Variants in LILRB1 observed in about 807,000 individuals in gnomAD.
LILRB1 encodes the protein leukocyte immunoglobulin-like receptor subfamily B member 1.
LILRB1 carries 59 observed loss-of-function variants against 74.6 expected under a neutral mutation model. The observed-to-expected ratio is 0.79, with a 90% CI of 0.64 to 0.98. The LOEUF (loss-of-function observed/expected upper bound fraction) is 0.98, where lower values mean the gene tolerates loss of function less well. LILRB1 is among the 50% of genes least tolerant of loss of function. The pLI is 0.00. For missense variants in LILRB1, 804 were observed against 822.6 expected, an observed-to-expected ratio of 0.98 and a Z score of 0.28; for synonymous variants, 328 against 333.9, an observed-to-expected ratio of 0.98 and a Z score of 0.19.
At position 54,634,735 on chromosome 19, in the gene LILRB1, T is replaced by TCCTC. The variant is rs1568602269; in HGVS notation, c.1459_1460insCTCC (p.Arg487ProfsTer16). 6.2e-7 allele frequency: 1 copy of TCCTC among 1,613,924 alleles called. No individual in the cohort carries two copies. Among genetic ancestry groups the TCCTC allele is most frequent in the African/African-American group, 1.3e-5 (1 of 74,982 alleles). Reference sequence around the variant, plus strand: ...TCCTCCTCTTCCTCATCCTCCGACATCGACGTCAGGGCAAACACTGGACAT... The same window carrying TCCTC: ...TCCTCCTCTTCCTCATCCTCCGACATCCTCCGACGTCAGGGCAAACACTGGACAT... On this transcript the variant is annotated frameshift_variant, in exon 10 of 15. Transcript: ENST00000324602. LOFTEE classifies it high-confidence loss of function.
intron 1 of LILRB1, among the ~76,000 whole-genome samples, chr19:54,621,892 T>C (rs1045103270): frequency 1.3e-5 from 2 of 152,226 alleles, no homozygotes; most frequent in Non-Finnish European, 2.9e-5. Flanking sequence ...TCCAGTTTTA[T>C]TCTTTTGCAT....
intron 1 of LILRB1, among the ~76,000 whole-genome samples, chr19:54,620,467 T>G (rs2063426023): frequency 6.6e-6 from 1 of 152,098 alleles, no homozygotes; most frequent in Non-Finnish European, 1.5e-5. Flanking sequence ...CACGCCCACA[T>G]TCTTAATTTT....
chr19:54,636,476 A>G lies in LILRB1; in HGVS notation c.1654-18A>G. 1 of 1,610,400 alleles carries G rather than the reference A, an allele frequency of 6.2e-7. No individual in the cohort carries two copies. The highest frequency in any genetic ancestry group is 8.5e-7 in the Non-Finnish European group (1 of 1,179,052). Reference sequence around the variant, plus strand: ...TCAGGAGGATTCAAGGACACCCCCCACCACTGTCTCTCTCCAGCAGAGCCC... The same window carrying G: ...TCAGGAGGATTCAAGGACACCCCCCGCCACTGTCTCTCTCCAGCAGAGCCC... On this transcript the variant is annotated intron_variant, in intron 13 of 14. Coordinates refer to ENST00000324602, the MANE Select transcript of LILRB1 (RefSeq NM_001081637.3).
chr19:54,625,241 T>G (rs2063550855), intron 1 of LILRB1, among the ~76,000 whole-genome samples: 2 of 147,680 alleles, frequency 1.4e-5, no homozygotes, highest in Admixed American at 1.4e-4. Flanking sequence ...GCAAGCCCCA[T>G]TAGCAGGAAG....
chr19:54,626,247 C>G (rs1193806730), upstream of LILRB1, among the ~76,000 whole-genome samples: 3 of 152,198 alleles, frequency 2.0e-5, no homozygotes, highest in Non-Finnish European at 4.4e-5. Context: ...GAATAATTTT[C>G]ATTTTCTCCA....
intron 1 of LILRB1, among the ~76,000 whole-genome samples, chr19:54,622,620 C>T (rs2146173751): frequency 6.6e-6 from 1 of 152,314 alleles, no homozygotes; most frequent in South Asian, 2.1e-4. Context: ...TCAGCACACA[C>T]AGATAATTTC....
chr19:54,626,151 C>T (rs1027745715), upstream of LILRB1, among the ~76,000 whole-genome samples: 26 of 152,214 alleles, frequency 1.7e-4, no homozygotes, highest in Non-Finnish European at 2.8e-4. Context: ...TTCCATTCAG[C>T]CAACTTGAAC....
upstream of LILRB1, among the ~76,000 whole-genome samples, chr19:54,627,858 G>A (rs925469865): frequency 3.9e-5 from 6 of 152,120 alleles, no homozygotes; most frequent in African/African-American, 9.7e-5. Flanking sequence ...AGTAGCGGAC[G>A]CCAGCTGAGT....
chr19:54,633,347 G>A, intron 7 of LILRB1, 29 bp downstream of exon 7: 1 of 1,601,172 alleles, frequency 6.2e-7, no homozygotes, highest in Non-Finnish European at 8.5e-7. Flanking sequence ...TCCTCTCTGA[G>A]CTCAAAGTCT....
At chr19:54,618,537 C>T (rs779430962) in intron 1 of LILRB1, among the ~76,000 whole-genome samples, 4 of 152,122 alleles carry the variant, frequency 2.6e-5, no homozygotes, top group South Asian at 2.1e-4. Flanking sequence ...TGGCCGGGCA[C>T]GGTGGCTCAC....
At chr19:54,634,243 G>C in intron 9 of LILRB1, 1 of 1,501,870 alleles carries the variant, frequency 6.7e-7, no homozygotes, top group Non-Finnish European at 8.9e-7. Flanking sequence ...GCCTCCCAGG[G>C]AACCTCCCAG....
Position 54,633,285 on chromosome 19 carries a change from C to T in LILRB1, c.1228C>T (p.His410Tyr), listed in dbSNP as rs753134549. 2 of 1,613,932 alleles carry T rather than the reference C, an allele frequency of 1.2e-6. No individual in the cohort carries two copies. Among genetic ancestry groups the T allele is most frequent in the East Asian group, 2.2e-5 (1 of 44,848 alleles). The change falls in exon 7 of 15, where the codon CAC becomes TAC. Residue 410 changes from histidine (H) to tyrosine (Y), a missense_variant. His to Tyr is a moderately conservative substitution (Grantham distance 83, BLOSUM62 2). Coordinates refer to ENST00000324602, the MANE Select transcript of LILRB1 (RefSeq NM_001081637.3). ...SQSSKPYLLT[H>Y]PSDPLELVVS... ...GAGCTCCAAACCCTACCTGCTGACT[C>T]ACCCCAGTGACCCCCTGGAGCTCGT...
chr19:54,624,690 G>A (rs1018143888), intron 1 of LILRB1, among the ~76,000 whole-genome samples: 4 of 152,170 alleles, frequency 2.6e-5, no homozygotes, highest in Admixed American at 6.5e-5. Context: ...GCTGGACAGC[G>A]TGTGTGAGTC....
chr19:54,629,487 A>G (rs114102984), upstream of LILRB1, among the ~76,000 whole-genome samples: 286 of 152,334 alleles, frequency 1.9e-3, 2 homozygotes, highest in African/African-American at 6.7e-3. Context: ...AGGGTGCCCC[A>G]CTGTGCAGAA....
intron 2 of LILRB1, 74 bp from the exon 3 acceptor site, chr19:54,631,197 C>T (rs369143660): frequency 7.7e-4 from 1,238 of 1,613,870 alleles, no homozygotes; most frequent in Non-Finnish European, 8.9e-4. Flanking sequence ...CCCAGGGGCT[C>T]ACAAAGATCC....
chr19:54,636,958 C>G lies in LILRB1; in HGVS notation c.*80C>G. ...GCCCCCCCAGTGGACACCATTGGAC[C>G]CCACCCAGCCTGGATCTACCCCAGG... is the stretch of plus-strand genomic sequence containing the variant. On this transcript the variant is annotated 3_prime_UTR_variant, in exon 15 of 15. Transcript: ENST00000324602. The G allele has an allele frequency of 1.3e-6, 2 of 1,566,718 alleles. No homozygotes were observed. Among genetic ancestry groups the G allele is most frequent in the South Asian group, 1.2e-5 (1 of 86,624 alleles).
intron 9 of LILRB1, chr19:54,634,402 G>T: frequency 5.2e-6 from 8 of 1,535,014 alleles, no homozygotes; most frequent in Non-Finnish European, 7.1e-6. Flanking sequence ...AAGGGCTGCA[G>T]GTCAGACTCC....
At chr19:54,630,868 G>T in intron 1 of LILRB1, 158 bp from the exon 2 acceptor site, 1 of 906,082 alleles carries the variant, frequency 1.1e-6, no homozygotes, top group Non-Finnish European at 1.7e-6. Flanking sequence ...GATGCAGAGG[G>T]CCTAGTGACT....
rs1361602238 is a variant in LILRB1, at chr19:54,637,620, T to C, written c.*742T>C. 1.3e-5 allele frequency: 2 copies of C among 148,646 alleles called. No homozygotes were observed. Among genetic ancestry groups the C allele is most frequent in the South Asian group, 2.1e-4 (1 of 4,720 alleles). The allele number at this position is 148,646 out of a possible 1,614,324, so 9.2% of individuals were successfully genotyped here. ...AATGAAGGCGTAAGAAAGGGAATAA[T>C]AACAATAATAAGAGGAGTTGTTCAT... On this transcript the variant is annotated 3_prime_UTR_variant, in exon 15 of 15. Transcript: ENST00000324602.
Sources: allele counts gnomAD v4.1 joint callset (sites outside exome capture counted in the v4.1 genomes callset), GRCh38; gene constraint gnomAD v4.1.1; transcripts MANE v1.5; gene names NCBI Gene and HGNC (gene_info 2026-07-23, HGNC 2026-07-21).